The following NEK6 variants were observed in gnomAD, a reference collection of about 807,000 sequenced individuals.
NEK6 encodes serine/threonine-protein kinase Nek6.
Under a neutral mutation model 43.5 loss-of-function variants are expected in NEK6, and 27 were observed. The ratio of observed to expected loss-of-function variants is 0.62; its 90% CI spans 0.46 to 0.86. The LOEUF is 0.86. Ranked by LOEUF, NEK6 falls within the 40% of genes least tolerant of loss-of-function variation. The pLI, the probability that NEK6 is intolerant of heterozygous loss-of-function variation, is 0.00. For synonymous variants in NEK6, 167 were observed against 164.1 expected, an observed-to-expected ratio of 1.02 and a Z score of -0.14; for missense variants, 318 against 414.4, an observed-to-expected ratio of 0.77 and a Z score of 2.02.
Position 124,321,756 on chromosome 9 carries a change from C to T in NEK6, c.405+187C>T, listed in dbSNP as rs575165341. ...AGTCTGGTGAGGGCCTCTCAGGGTC[C>T]GTCCCCAGCTGCTGTTGCTGGAGGC... On this transcript the variant is annotated intron_variant, in intron 5 of 9. Transcript: ENST00000320246. Among the ~76,000 whole-genome samples the T allele has an allele frequency of 7.9e-5, 12 of 152,344 alleles. No homozygotes were observed. The South Asian group carries it at 1.2e-3, about 16-fold the overall frequency.
At chr9:124,291,625 T>TCAAA (rs374010801) in intron 1 of NEK6, among the ~76,000 whole-genome samples, 246 of 149,094 alleles carry the variant, frequency 1.6e-3, no homozygotes, top group African/African-American at 5.4e-3. Flanking sequence ...AAACTCCATC[T>TCAAA]CAAATAAATA....
chr9:124,273,292 T>C (rs1324134058), intron 1 of NEK6, among the ~76,000 whole-genome samples: 2 of 152,094 alleles, frequency 1.3e-5, no homozygotes, highest in African/African-American at 4.8e-5. Flanking sequence ...AGCTTTGGCC[T>C]CCCCAACATC....
chr9:124,338,858 G>GT (rs1250170811), intron 7 of NEK6, among the ~76,000 whole-genome samples: 2 of 152,098 alleles, frequency 1.3e-5, no homozygotes, highest in East Asian at 3.8e-4. Flanking sequence ...CACAGTGATG[G>GT]TTTTTTCACT....
rs2130862196 is a variant in NEK6 at position 124,312,660 on chromosome 9, A to G, written c.231+11A>G. The stretch of plus-strand genomic sequence containing the variant: ...CTGAAGAAGGTGCAGGTGAGCTGAC[A>G]ACCCGTGGGGTCAAACCTGCATCTC... On this transcript the variant is annotated intron_variant, in intron 3 of 9. Transcript: ENST00000320246. 3 of 1,609,908 alleles carry G rather than the reference A, an allele frequency of 1.9e-6. No individual in the cohort carries two copies. Among genetic ancestry groups the G allele is most frequent in the Non-Finnish European group, 2.5e-6 (3 of 1,176,960 alleles).
At chr9:124,342,607 G>A (rs1306807633) in intron 8 of NEK6, among the ~76,000 whole-genome samples, 1 of 152,364 alleles carries the variant, frequency 6.6e-6, no homozygotes, top group African/African-American at 2.4e-5. Flanking sequence ...CCTCCGGCAC[G>A]AGGCTCCTGC....
At chr9:124,309,593 C>T (rs758180257) in intron 2 of NEK6, among the ~76,000 whole-genome samples, 4 of 152,182 alleles carry the variant, frequency 2.6e-5, no homozygotes, top group Non-Finnish European at 5.9e-5. Flanking sequence ...TCCTGATTTG[C>T]GAGATGGGAT....
intron 1 of NEK6, chr9:124,292,445 G>A: frequency 6.5e-7 from 1 of 1,536,928 alleles, no homozygotes; most frequent in Non-Finnish European, 8.7e-7. Flanking sequence ...CCTGCCTGTG[G>A]GAAGGAGAGA....
Position 124,326,335 on chromosome 9 carries a change from TAAG to T in NEK6, c.415_417del (p.Lys139del). On this transcript the variant is annotated inframe_deletion, in exon 6 of 10. Coordinates refer to ENST00000320246, the MANE Select transcript of NEK6 (RefSeq NM_014397.6). This position sits in a 1 kb window ranked among gnomAD's most constrained non-coding sequence, Gnocchi z 4.5. ...GCTTGTCTCCCCCACTGCAGTACTT[TAAG>T]AAGCAGAAGCGGCTCATCCCGGAGA... 2 of 1,608,354 alleles carry T rather than the reference TAAG, an allele frequency of 1.2e-6. No homozygotes were observed. The highest frequency in any genetic ancestry group is 1.7e-6 in the Non-Finnish European group (2 of 1,178,088).
At chr9:124,283,218 C>G (rs925342539) in intron 1 of NEK6, among the ~76,000 whole-genome samples, 1 of 152,224 alleles carries the variant, frequency 6.6e-6, no homozygotes, top group Non-Finnish European at 1.5e-5. Context: ...CCTTCCCGTG[C>G]CTAGCCCAGG....
intron 1 of NEK6, among the ~76,000 whole-genome samples, chr9:124,267,358 G>A (rs1244619831): frequency 6.6e-6 from 1 of 152,084 alleles, no homozygotes; most frequent in Admixed American, 6.5e-5. Context: ...GGCAGGTCCG[G>A]TCGAGTCCGC....
In NEK6 at chr9:124,351,958, A is replaced by G. The variant is rs1291527076; in HGVS notation, c.*1011A>G. 2 of 152,690 alleles carry G rather than the reference A, an allele frequency of 1.3e-5. No homozygotes were observed. Among genetic ancestry groups the G allele is most frequent in the Non-Finnish European group, 2.9e-5 (2 of 68,048 alleles). The allele number at this position is 152,690 out of a possible 1,614,324, so 9.5% of individuals were successfully genotyped here. A position where few individuals can be genotyped will look rare whatever the true frequency, so the allele number is the denominator to read the frequency against. ...ACTCACCCTTCACAAACTGAAGTCC[A>G]TGGACCACGGAAGTCGAGAATTAAT... On this transcript the variant is annotated 3_prime_UTR_variant, in exon 10 of 10. Coordinates refer to ENST00000320246, the MANE Select transcript of NEK6 (RefSeq NM_014397.6).
intron 2 of NEK6, among the ~76,000 whole-genome samples, chr9:124,309,364 C>T (rs1457720114): frequency 2.6e-5 from 4 of 152,236 alleles, no homozygotes; most frequent in African/African-American, 7.2e-5. Context: ...TGGAGCTGCA[C>T]GGTGTAGCCT....
At chr9:124,285,486 G>A (rs1365687035) in intron 1 of NEK6, among the ~76,000 whole-genome samples, 3 of 152,112 alleles carry the variant, frequency 2.0e-5, no homozygotes, top group Admixed American at 6.5e-5. Flanking sequence ...GAGCTGGGTC[G>A]ATGGCCACCA....
intron 2 of NEK6, among the ~76,000 whole-genome samples, chr9:124,310,707 C>G (rs1306478294): frequency 2.0e-5 from 3 of 152,228 alleles, no homozygotes; most frequent in Non-Finnish European, 4.4e-5. Flanking sequence ...AAGCAATTCT[C>G]CTGCCTCGGC....
At chr9:124,321,656 G>T (rs747453808) in intron 5 of NEK6, 87 bp downstream of exon 5, 4 of 902,118 alleles carry the variant, frequency 4.4e-6, no homozygotes, top group Non-Finnish European at 7.1e-6. Context: ...GTCCCACAAT[G>T]CTCTGCCTTT....
At chr9:124,309,329 T>C (rs1270851582) in intron 2 of NEK6, among the ~76,000 whole-genome samples, 1 of 152,168 alleles carries the variant, frequency 6.6e-6, no homozygotes, top group East Asian at 1.9e-4. Context: ...TCCACCCACA[T>C]CCACCAGGAG....
chr9:124,301,476 C>A (rs1024076326), intron 1 of NEK6, among the ~76,000 whole-genome samples: 14 of 152,220 alleles, frequency 9.2e-5, no homozygotes. Flanking sequence ...CTTCCCACAG[C>A]AGCTGTCTGC....
intron 7 of NEK6, among the ~76,000 whole-genome samples, chr9:124,335,219 A>G (rs976023022): frequency 6.6e-6 from 1 of 151,946 alleles, no homozygotes; most frequent in African/African-American, 2.4e-5. Context: ...ATGGTTGGCT[A>G]CGACAAGCCA....
chr9:124,298,464 T>C (rs1168296738), intron 1 of NEK6, among the ~76,000 whole-genome samples: 1 of 152,044 alleles, frequency 6.6e-6, no homozygotes, highest in Non-Finnish European at 1.5e-5. Flanking sequence ...ATCAGCTTGC[T>C]GTGGTCAGTG....
Sources: allele counts gnomAD v4.1 joint callset (sites outside exome capture counted in the v4.1 genomes callset), GRCh38; gene constraint gnomAD v4.1.1; non-coding constraint Gnocchi (gnomAD v3.1); transcripts MANE v1.5; gene names NCBI Gene and HGNC (gene_info 2026-07-23, HGNC 2026-07-21).